Variants in TMEM231 observed in about 807,000 individuals in gnomAD.
TMEM231 encodes the protein transmembrane protein 231.
A neutral mutation model predicts 38.5 loss-of-function variants in TMEM231; 40 were observed. That is an observed-to-expected ratio of 1.04 (90% CI 0.81 to 1.35). The LOEUF is 1.35. TMEM231 is among the 40% of genes most tolerant of loss of function. The pLI is 0.00. For missense variants in TMEM231, 420 were observed against 416.9 expected, an observed-to-expected ratio of 1.01 and a Z score of -0.07; for synonymous variants, 199 against 181.7, an observed-to-expected ratio of 1.10 and a Z score of -0.77.
At position 75,542,649 on chromosome 16, in the gene TMEM231, T is replaced by A. The variant is rs374279951; in HGVS notation, c.617A>T (p.Tyr206Phe). 1.2e-6 allele frequency: 2 copies of A among 1,613,792 alleles called. No homozygotes were observed. Among genetic ancestry groups the A allele is most frequent in the African/African-American group, 1.3e-5 (1 of 74,908 alleles). ...AACAATATGGGTGAGGTCGTAGTCA[T>A]AGGCAAAGGGGCTGGTCCCGTTGAT... ...SVINGTSPFAYDYDLTHIVAA... is the reference protein window; with the variant it reads ...SVINGTSPFAFDYDLTHIVAA... Residue 206 changes from tyrosine (Y) to phenylalanine (F), a missense_variant, in exon 5 of 7, where the codon TAT becomes TTT. By Grantham distance (22) the Tyr-to-Phe change is conservative. Coordinates refer to ENST00000258173, the MANE Select transcript of TMEM231 (RefSeq NM_001077418.3).
At chr16:75,541,693 G>A in intron 5 of TMEM231, 1 of 298,548 alleles carries the variant, frequency 3.3e-6, no homozygotes, top group Non-Finnish European at 6.2e-6. Context: ...TACATGTGCT[G>A]AATGGCTAAC....
At chr16:75,550,135 G>A (rs1044620400) in intron 2 of TMEM231, among the ~76,000 whole-genome samples, 1 of 152,234 alleles carries the variant, frequency 6.6e-6, no homozygotes, top group African/African-American at 2.4e-5. Flanking sequence ...TAGGACTAGA[G>A]AAGAAGGGGA....
intron 4 of TMEM231, among the ~76,000 whole-genome samples, chr16:75,544,937 T>C (rs992673249): frequency 3.0e-5 from 3 of 100,338 alleles, no homozygotes; most frequent in Non-Finnish European, 5.0e-5. Context: ...TTTCTACTTT[T>C]CTTTTCTTTT....
rs1327078058 is a variant in TMEM231, at chr16:75,537,038, C to T, written c.*2956G>A. On this transcript the variant is annotated 3_prime_UTR_variant, in exon 7 of 7. Coordinates refer to ENST00000258173, the MANE Select transcript of TMEM231 (RefSeq NM_001077418.3). ...TCGGGAGGGTAAGGCAGGAGAATCA[C>T]TTGAACCTGGGAGGTAGAGGCTGCA... The T allele has an allele frequency of 2.0e-5, 3 of 149,346 alleles. No homozygotes were observed. The highest frequency in any genetic ancestry group is 7.4e-5 in the African/African-American group (3 of 40,592). The allele number at this position is 149,346 out of a possible 1,614,324, so 9.3% of individuals were successfully genotyped here. A position where few individuals can be genotyped will look rare whatever the true frequency, so the allele number is the denominator to read the frequency against.
Position 75,554,453 on chromosome 16 carries a change from C to T in TMEM231, c.309+1351G>A, listed in dbSNP as rs188637552. On this transcript the variant is annotated intron_variant, in intron 2 of 6. Transcript: ENST00000258173. ...CCCAGCTACTCGGGAGGCTAAGGCA[C>T]GAGAATTGCTTGAACCCAGGAGGCA... Among the ~76,000 whole-genome samples, 153 of 146,426 alleles carry T rather than the reference C, an allele frequency of 1.0e-3. 1 individual carries two copies. Among genetic ancestry groups the T allele is most frequent in the African/African-American group, 3.6e-3 (140 of 39,148 alleles).
intron 2 of TMEM231, among the ~76,000 whole-genome samples, chr16:75,547,118 G>A (rs916012157): frequency 6.6e-6 from 1 of 152,178 alleles, no homozygotes. Context: ...TGCTGACATG[G>A]TCCCTCTGCA....
Position 75,539,911 on chromosome 16 carries a change from G to C in TMEM231, c.*83C>G. The C allele has an allele frequency of 7.9e-7, 1 of 1,258,180 alleles. No homozygotes were observed. The highest frequency in any genetic ancestry group is 2.5e-5 in the East Asian group (1 of 40,766). The allele number at this position is 1,258,180 out of a possible 1,614,324, so 77.9% of individuals were successfully genotyped here. On this transcript the variant is annotated 3_prime_UTR_variant, in exon 7 of 7. Transcript: ENST00000258173. ...ACACAAGCCCGCAGGTGTCCGCTGGGCTCTTTCAAAAGGTCCTAAGATGTT... is the reference window on the plus strand; with the variant it reads ...ACACAAGCCCGCAGGTGTCCGCTGGCCTCTTTCAAAAGGTCCTAAGATGTT...
chr16:75,556,168 A>T lies in TMEM231; in HGVS notation c.42T>A (p.Ser14Arg). ...YELFSHPVER[S>R]YRAGLCSKAA... is the part of the protein sequence containing the mutation. ...CTTTGGAGCAGAGCCCCGCGCGGTA[A>T]CTGCGCTCGACCGGGTGAGAGAAGA... Residue 14 changes from serine (S) to arginine (R), a missense_variant, in exon 1 of 7, where the codon AGT (serine) becomes AGA (arginine). Ser to Arg is a moderately radical substitution (Grantham distance 110, BLOSUM62 -1). Coordinates refer to ENST00000258173, the MANE Select transcript of TMEM231 (RefSeq NM_001077418.3). 6.5e-7 allele frequency: 1 copy of T among 1,539,454 alleles called. No individual in the cohort carries two copies. The highest frequency in any genetic ancestry group is 8.7e-7 in the Non-Finnish European group (1 of 1,146,630).
chr16:75,546,500 T>G (rs1470110455), intron 2 of TMEM231, among the ~76,000 whole-genome samples: 1 of 152,042 alleles, frequency 6.6e-6, no homozygotes, highest in Non-Finnish European at 1.5e-5. Flanking sequence ...TGGAGTGCAG[T>G]GACGCAATCA....
chr16:75,541,125 T>G (rs1280495953), intron 6 of TMEM231, among the ~76,000 whole-genome samples: 1 of 152,022 alleles, frequency 6.6e-6, no homozygotes, highest in Non-Finnish European at 1.5e-5. Flanking sequence ...GCAATCCTCC[T>G]GCCTCGGCAT....
At position 75,556,048 on chromosome 16, in the gene TMEM231, C is replaced by T. The variant is rs770598456; in HGVS notation, c.139+23G>A. 4 of 1,566,226 alleles carry T rather than the reference C, an allele frequency of 2.6e-6. No homozygotes were observed. In the South Asian group the frequency reaches 4.7e-5, roughly 18 times the overall value. ...CGAGCGCGCCCGGGGAGCCTCGTGG[C>T]ACAGCGGCCGGGGCAGGCTCACCGT... On this transcript the variant is annotated intron_variant, in intron 1 of 6. Coordinates refer to ENST00000258173, the MANE Select transcript of TMEM231 (RefSeq NM_001077418.3).
chr16:75,544,961 T>C (rs1213862918), intron 4 of TMEM231, among the ~76,000 whole-genome samples: 15 of 141,294 alleles, frequency 1.1e-4, no homozygotes, highest in South Asian at 2.4e-4. Flanking sequence ...TTTTTTTTTT[T>C]TTTTTTTTTT....
chr16:75,549,853 T>G (rs2080736885), intron 2 of TMEM231, among the ~76,000 whole-genome samples: 1 of 151,996 alleles, frequency 6.6e-6, no homozygotes, highest in African/African-American at 2.4e-5. Flanking sequence ...GGATTACAGG[T>G]GTGCGCCACT....
At chr16:75,554,139 T>C (rs1311789926) in intron 2 of TMEM231, among the ~76,000 whole-genome samples, 1 of 152,204 alleles carries the variant, frequency 6.6e-6, no homozygotes, top group Non-Finnish European at 1.5e-5. Flanking sequence ...TTACTTTTCA[T>C]TTCCCTGCAG....
chr16:75,547,134 C>G (rs556501539), intron 2 of TMEM231, among the ~76,000 whole-genome samples: 5 of 152,342 alleles, frequency 3.3e-5, no homozygotes, highest in African/African-American at 1.2e-4. Flanking sequence ...CTGCACAACT[C>G]TGGATCTTTT....
Position 75,537,919 on chromosome 16 carries a change from G to A in TMEM231, c.*2075C>T, listed in dbSNP as rs997885874. 6.6e-6 allele frequency: 1 copy of A among 152,124 alleles called. No individual in the cohort carries two copies. Among genetic ancestry groups the A allele is most frequent in the Non-Finnish European group, 1.5e-5 (1 of 68,022 alleles). 9.4% of individuals were successfully genotyped at this position (152,124 alleles called of 1,614,324 possible). On this transcript the variant is annotated 3_prime_UTR_variant, in exon 7 of 7. Transcript: ENST00000258173. ...AACACGTAGATTTCACATGGCATGTGAATCCCACTGAAAACTCATCTACCT... is the reference window on the plus strand; with the variant it reads ...AACACGTAGATTTCACATGGCATGTAAATCCCACTGAAAACTCATCTACCT...
chr16:75,546,596 C>T (rs777473161), intron 2 of TMEM231, among the ~76,000 whole-genome samples: 1 of 152,174 alleles, frequency 6.6e-6, no homozygotes, highest in Non-Finnish European at 1.5e-5. Context: ...GTGCCCACCA[C>T]CATGCCCAGC....
At chr16:75,546,962 T>C (rs1316499951) in intron 2 of TMEM231, among the ~76,000 whole-genome samples, 1 of 152,130 alleles carries the variant, frequency 6.6e-6, no homozygotes, top group Non-Finnish European at 1.5e-5. Context: ...GACAGAGGTC[T>C]GTAGAGGAAA....
At chr16:75,555,608 C>T (rs1198560717) in intron 2 of TMEM231, 196 bp downstream of exon 2, 2 of 538,508 alleles carry the variant, frequency 3.7e-6, no homozygotes, top group Non-Finnish European at 6.2e-6. Context: ...CCGGGGACAT[C>T]TGGGAGAAGC....
Sources: allele counts gnomAD v4.1 joint callset (sites outside exome capture counted in the v4.1 genomes callset), GRCh38; gene constraint gnomAD v4.1.1; transcripts MANE v1.5; gene names NCBI Gene and HGNC (gene_info 2026-07-23, HGNC 2026-07-21).